Variants in MEGF11 observed in about 807,000 individuals in gnomAD.
MEGF11 encodes the protein multiple epidermal growth factor-like domains protein 11.
In MEGF11, 126 loss-of-function variants were observed where a neutral mutation model predicts 146.6. The ratio of observed to expected loss-of-function variants is 0.86; its 90% CI spans 0.74 to 1.00. The LOEUF (loss-of-function observed/expected upper bound fraction) is 1.00. Ranked by LOEUF, MEGF11 falls within the 50% of genes least tolerant of loss-of-function variation. The probability of loss-of-function intolerance (pLI) is 0.00; values close to 1 mark genes in which losing one functional copy is unlikely to be tolerated. For missense variants in MEGF11, 1,509 were observed against 1,521.2 expected, an observed-to-expected ratio of 0.99 and a Z score of 0.13; for synonymous variants, 532 against 583.4, an observed-to-expected ratio of 0.91 and a Z score of 1.27.
At chr15:66,171,988 C>T (rs1001431242) in intron 1 of MEGF11, among the ~76,000 whole-genome samples, 4 of 152,312 alleles carry the variant, frequency 2.6e-5, no homozygotes, top group Middle Eastern at 3.4e-3. Flanking sequence ...CACCTCACAC[C>T]GCTTCACCCC....
chr15:66,205,672 G>A (rs2091281563), intron 1 of MEGF11, among the ~76,000 whole-genome samples: 1 of 152,174 alleles, frequency 6.6e-6, no homozygotes, highest in South Asian at 2.1e-4. Context: ...ATGTGGTGAG[G>A]TGGAACTCCT....
At chr15:66,080,875 G>A (rs899354898) in intron 5 of MEGF11, among the ~76,000 whole-genome samples, 2 of 152,228 alleles carry the variant, frequency 1.3e-5, no homozygotes, top group African/African-American at 4.8e-5. Context: ...GGCAGAAGGC[G>A]GCCCAGGCGG....
Position 65,897,769 on chromosome 15 carries a change from C to T in MEGF11, c.*165G>A. The T allele has an allele frequency of 1.6e-6, 1 of 616,200 alleles. No homozygotes were observed. Among genetic ancestry groups the T allele is most frequent in the Non-Finnish European group, 2.6e-6 (1 of 383,660 alleles). 38.2% of individuals were successfully genotyped at this position (616,200 alleles called of 1,614,324 possible). ...GCCTTTGAGAACACAATTCCTTGAA[C>T]AATTATCCCAGTCCCACCTGGACGC... is the stretch of plus-strand genomic sequence containing the variant. On this transcript the variant is annotated 3_prime_UTR_variant, in exon 26 of 26. Transcript: ENST00000395614.
At chr15:65,978,934 C>T (rs750768847) in intron 7 of MEGF11, among the ~76,000 whole-genome samples, 4 of 151,758 alleles carry the variant, frequency 2.6e-5, no homozygotes, top group Middle Eastern at 3.4e-3. Context: ...AAGGTATTGA[C>T]AGACCAGTGG....
chr15:66,012,287 G>A (rs2082732544), intron 5 of MEGF11, among the ~76,000 whole-genome samples: 2 of 152,228 alleles, frequency 1.3e-5, no homozygotes, highest in Non-Finnish European at 2.9e-5. Context: ...ATTAAAAAAT[G>A]TAAGTATTGG....
intron 1 of MEGF11, among the ~76,000 whole-genome samples, chr15:66,130,635 AG>A (rs2088600519): frequency 7.6e-6 from 1 of 131,842 alleles, no homozygotes; most frequent in Non-Finnish European, 1.6e-5. Context: ...AAAGAAGAAA[AG>A]GAAAAAAAGG....
chr15:65,944,050 C>T (rs1294317967), intron 10 of MEGF11, among the ~76,000 whole-genome samples: 3 of 152,154 alleles, frequency 2.0e-5, no homozygotes, highest in African/African-American at 4.8e-5. Context: ...GGTGCATTCA[C>T]ATTTTAGGGG....
At chr15:66,164,524 T>C (rs761769460) in intron 1 of MEGF11, among the ~76,000 whole-genome samples, 4 of 152,120 alleles carry the variant, frequency 2.6e-5, no homozygotes, top group Admixed American at 6.5e-5. Flanking sequence ...AGCTTTATTT[T>C]CCTCACCTGT....
At chr15:65,914,727 C>T (rs898274235) in intron 19 of MEGF11, among the ~76,000 whole-genome samples, 1 of 152,194 alleles carries the variant, frequency 6.6e-6, no homozygotes, top group Admixed American at 6.5e-5. Flanking sequence ...ATATCGTTCT[C>T]AGTGATTTAT....
chr15:66,060,640 C>A (rs1225446851), intron 5 of MEGF11, among the ~76,000 whole-genome samples: 1 of 152,204 alleles, frequency 6.6e-6, no homozygotes, highest in African/African-American at 2.4e-5. Flanking sequence ...GCACTTGGCC[C>A]CCCCGCCATG....
chr15:66,046,208 C>T (rs1009953272), intron 5 of MEGF11, among the ~76,000 whole-genome samples: 1 of 152,212 alleles, frequency 6.6e-6, no homozygotes, highest in African/African-American at 2.4e-5. Flanking sequence ...AGGAAGCTGA[C>T]TCCTCACGCT....
chr15:65,984,801 C>T (rs983839767), intron 5 of MEGF11, among the ~76,000 whole-genome samples: 1 of 152,106 alleles, frequency 6.6e-6, no homozygotes, highest in Non-Finnish European at 1.5e-5. Context: ...CAGAGTCTCG[C>T]TCTATTAGGC....
At chr15:65,992,435 C>CTG (rs1302949799) in intron 5 of MEGF11, among the ~76,000 whole-genome samples, 29 of 93,960 alleles carry the variant, frequency 3.1e-4, no homozygotes, top group African/African-American at 1.1e-3. Context: ...CCGTTTGTGC[C>CTG]TCTGTGTGTG....
chr15:66,213,616 C>T (rs1016853516), intron 1 of MEGF11, among the ~76,000 whole-genome samples: 5 of 151,494 alleles, frequency 3.3e-5, no homozygotes, highest in Admixed American at 1.3e-4. Flanking sequence ...GGGGTCTCGC[C>T]ATGTCGCCCA....
At chr15:66,048,384 C>T (rs2084309268) in intron 5 of MEGF11, among the ~76,000 whole-genome samples, 1 of 152,258 alleles carries the variant, frequency 6.6e-6, no homozygotes, top group Non-Finnish European at 1.5e-5. Context: ...CCCGCAGGCA[C>T]CCTTCTCTGG....
chr15:66,214,245 G>A (rs747818430), intron 1 of MEGF11, among the ~76,000 whole-genome samples: 2 of 152,064 alleles, frequency 1.3e-5, no homozygotes, highest in Non-Finnish European at 2.9e-5. Context: ...ATGTTGGCCA[G>A]GCTGGTCTCA....
chr15:66,077,861 G>A (rs1170561310), intron 5 of MEGF11, among the ~76,000 whole-genome samples: 1 of 152,206 alleles, frequency 6.6e-6, no homozygotes, highest in African/African-American at 2.4e-5. Context: ...GATGAAAGAG[G>A]GCAAGGGTGG....
At chr15:65,976,069 G>C (rs1240628611) in intron 7 of MEGF11, among the ~76,000 whole-genome samples, 1 of 136,188 alleles carries the variant, frequency 7.3e-6, no homozygotes, top group East Asian at 2.1e-4. Context: ...TTGAGATGGA[G>C]TCTCGCTCTG....
intron 1 of MEGF11, among the ~76,000 whole-genome samples, chr15:66,220,730 T>C (rs915270818): frequency 6.6e-6 from 1 of 151,982 alleles, no homozygotes; most frequent in African/African-American, 2.4e-5. Context: ...AGAGACAGGG[T>C]CTCACTGTGT....
Sources: gnomAD v4.1 joint callset for allele counts (sites outside exome capture counted in the v4.1 genomes callset) on GRCh38, gnomAD v4.1.1 for gene constraint, MANE v1.5 for transcripts, NCBI Gene and HGNC (gene_info 2026-07-23, HGNC 2026-07-21) for gene names.